MTUS1: variants seen among roughly 807,000 people sequenced by gnomAD.
MTUS1 encodes the protein microtubule-associated tumor suppressor 1.
Under a neutral mutation model 120.8 loss-of-function variants are expected in MTUS1, and 109 were observed. The observed-to-expected ratio is 0.90, with a 90% confidence interval of 0.77 to 1.06. MTUS1 has a LOEUF of 1.06. MTUS1 is among the 50% of genes least tolerant of loss of function. The pLI is 0.00. For synonymous variants in MTUS1, 737 were observed against 550.5 expected (o/e 1.34, Z -4.74); for missense variants, 2,210 against 1,486.3 (o/e 1.49, Z -8.01).
chr8:17,720,793 C>T (rs2045777890), intron 4 of MTUS1, among the ~76,000 whole-genome samples: 1 of 152,064 alleles, frequency 6.6e-6, no homozygotes, highest in Admixed American at 6.6e-5. Context: ...TGTGAAAGAC[C>T]TTATAATCTT....
intron 4 of MTUS1, among the ~76,000 whole-genome samples, chr8:17,718,389 A>G (rs1312676827): frequency 6.6e-6 from 1 of 152,214 alleles, no homozygotes; most frequent in Non-Finnish European, 1.5e-5. Flanking sequence ...TGCTGACTTG[A>G]CCACTGCCTA....
At chr8:17,652,070 T>A (rs1239592015) in intron 12 of MTUS1, among the ~76,000 whole-genome samples, 5 of 152,218 alleles carry the variant, frequency 3.3e-5, no homozygotes, top group African/African-American at 1.2e-4. Flanking sequence ...TTTCTAGAGC[T>A]GGCCAGAGAT....
chr8:17,678,211 CATT>C (rs1474306683), intron 7 of MTUS1, among the ~76,000 whole-genome samples: 6 of 152,126 alleles, frequency 3.9e-5, no homozygotes, highest in Non-Finnish European at 8.8e-5. Flanking sequence ...TGATAAAATG[CATT>C]ATGTCCTTTA....
chr8:17,773,841 A>G (rs1217071217), intron 1 of MTUS1, among the ~76,000 whole-genome samples: 1 of 125,830 alleles, frequency 7.9e-6, no homozygotes, highest in African/African-American at 3.0e-5. Flanking sequence ...ACTCCTGTCT[A>G]TGTCAACCAG....
rs539176845 is a variant in MTUS1 at position 17,657,339 on chromosome 8, C to T, written c.2906-1274G>A. ...ATCCCAGCACTTTGGGAGGCCGAGG[C>T]GGGCGGATCACGAGGTCAGGAGATC... is the stretch of plus-strand genomic sequence containing the variant. On this transcript the variant is annotated intron_variant, in intron 8 of 14. Transcript: ENST00000693296. Among the ~76,000 whole-genome samples the T allele has an allele frequency of 5.7e-3, 860 of 151,510 alleles. 12 individuals are homozygous for T. The highest frequency in any genetic ancestry group is 0.018 in the African/African-American group (764 of 41,350).
At chr8:17,702,385 GTTTT>G (rs1166488816) in intron 6 of MTUS1, among the ~76,000 whole-genome samples, 1 of 151,668 alleles carries the variant, frequency 6.6e-6, no homozygotes, top group Non-Finnish European at 1.5e-5. Flanking sequence ...TTTTTGTTTA[GTTTT>G]TTTAATTGTG....
intron 1 of MTUS1, among the ~76,000 whole-genome samples, chr8:17,787,493 G>A (rs774908982): frequency 3.3e-5 from 5 of 152,082 alleles, no homozygotes; most frequent in Admixed American, 6.6e-5. Flanking sequence ...TCACAATAAC[G>A]AAATCACCTA....
chr8:17,681,670 C>T (rs1814536273), intron 7 of MTUS1: 1 of 154,758 alleles, frequency 6.5e-6, no homozygotes, highest in Non-Finnish European at 1.5e-5. Context: ...ATAAATCCCT[C>T]TTGCTTCTCC....
chr8:17,731,372 T>C (rs2046566745), intron 3 of MTUS1, among the ~76,000 whole-genome samples: 1 of 152,174 alleles, frequency 6.6e-6, no homozygotes, highest in African/African-American at 2.4e-5. Context: ...ATAGGAGTAC[T>C]CCTTACCTCA....
At chr8:17,777,776 G>A (rs893927040) in intron 1 of MTUS1, among the ~76,000 whole-genome samples, 17 of 152,020 alleles carry the variant, frequency 1.1e-4, no homozygotes, top group South Asian at 4.1e-4. Context: ...GAAAACTATC[G>A]TCAGAAATTT....
rs1315886806 is a variant in MTUS1 at position 17,724,218 on chromosome 8, A to G, written c.2288-385T>C. The G allele has an allele frequency of 1.5e-5, 6 of 409,250 alleles. 1 individual carries two copies. Among genetic ancestry groups the G allele is most frequent in the African/African-American group, 2.1e-5 (1 of 47,118 alleles). The allele number at this position is 409,250 out of a possible 1,614,324, so 25.4% of individuals were successfully genotyped here. On this transcript the variant is annotated intron_variant, in intron 3 of 14. Transcript: ENST00000693296. ...ACCCCCCATACTGGTGACTAAAAAA[A>G]AAATAATCCATTAGGACAATAGGCT...
At chr8:17,726,482 G>A (rs139680353) in intron 3 of MTUS1, among the ~76,000 whole-genome samples, 1 of 152,322 alleles carries the variant, frequency 6.6e-6, no homozygotes, top group African/African-American at 2.4e-5. Context: ...CTAGCATGGA[G>A]TGAGACTTAA....
At chr8:17,801,512 G>A (rs1035669507), upstream of MTUS1, 1 of 152,124 alleles carries the variant, frequency 6.6e-6, no homozygotes, top group Non-Finnish European at 1.5e-5. Context: ...TCCCGCTCTC[G>A]GGTCCCAATC....
At chr8:17,656,321 A>C (rs946478424) in intron 8 of MTUS1, among the ~76,000 whole-genome samples, 1 of 151,972 alleles carries the variant, frequency 6.6e-6, no homozygotes, top group Admixed American at 6.6e-5. Flanking sequence ...TGAGGTCAGG[A>C]GTTCAAGACC....
chr8:17,771,931 C>T (rs1033664494), intron 1 of MTUS1, among the ~76,000 whole-genome samples: 2 of 152,214 alleles, frequency 1.3e-5, no homozygotes, highest in Admixed American at 1.3e-4. Context: ...TCACCATTCA[C>T]ACCACATTCT....
chr8:17,760,314 T>C (rs2048945021), intron 1 of MTUS1, among the ~76,000 whole-genome samples: 1 of 152,210 alleles, frequency 6.6e-6, no homozygotes, highest in African/African-American at 2.4e-5. Flanking sequence ...GGATTGTTTT[T>C]ATATAAAATA....
rs373276975 is a variant in MTUS1, at chr8:17,697,327, C to T, written c.2624-12785G>A. The T allele has an allele frequency of 2.2e-5, 35 of 1,613,952 alleles. No homozygotes were observed. The African/African-American group carries it at 2.8e-4, about 13-fold the overall frequency. On this transcript the variant is annotated intron_variant, in intron 6 of 14. Coordinates refer to ENST00000693296, the MANE Select transcript of MTUS1 (RefSeq NM_001363059.2). ...GAAGGTTTCGAAGCAATCCTTTGGCCGTCAGTCGTATGTGAATGGTGGATA... is the reference window on the plus strand; with the variant it reads ...GAAGGTTTCGAAGCAATCCTTTGGCTGTCAGTCGTATGTGAATGGTGGATA...
At chr8:17,749,369 A>C (rs1222544459) in intron 2 of MTUS1, among the ~76,000 whole-genome samples, 1 of 152,006 alleles carries the variant, frequency 6.6e-6, no homozygotes. Flanking sequence ...CCAATTAGAA[A>C]ATCTTTAGGC....
intron 1 of MTUS1, among the ~76,000 whole-genome samples, chr8:17,794,369 C>T (rs1018803753): frequency 1.3e-5 from 2 of 152,056 alleles, no homozygotes; most frequent in African/African-American, 4.8e-5. Flanking sequence ...ACATAATATT[C>T]TAACAGCAAG....
Sources: gnomAD v4.1 joint callset for allele counts (sites outside exome capture counted in the v4.1 genomes callset) on GRCh38, gnomAD v4.1.1 for gene constraint, MANE v1.5 for transcripts, NCBI Gene and HGNC (gene_info 2026-07-23, HGNC 2026-07-21) for gene names.